Variants in KCNQ5 observed in about 807,000 individuals in gnomAD.
KCNQ5 encodes the protein potassium voltage-gated channel subfamily Q member 5, also known as potassium voltage-gated channel subfamily KQT member 5.
KCNQ5 carries 30 observed loss-of-function variants against 98.2 expected under a neutral mutation model. The observed-to-expected ratio is 0.31, with a 90% CI of 0.23 to 0.41. The LOEUF (loss-of-function observed/expected upper bound fraction) is 0.41. KCNQ5 is among the 10% of genes least tolerant of loss of function. The probability of loss-of-function intolerance (pLI) is 1.00; values close to 1 mark genes in which losing one functional copy is unlikely to be tolerated. For synonymous variants in KCNQ5, 458 were observed against 449.4 expected, an observed-to-expected ratio of 1.02 and a Z score of -0.24; for missense variants, 835 against 1,182.5, an observed-to-expected ratio of 0.71 and a Z score of 4.31.
In KCNQ5 at chr6:73,041,921, T is replaced by C. The variant is rs755706199; in HGVS notation, c.490-15T>C. Reference sequence around the variant, plus strand: ...CATAATGCTTCTCTCTGATATGTCTTATCTGATATTTTAGGAGTTCGTGAT... The same window carrying C: ...CATAATGCTTCTCTCTGATATGTCTCATCTGATATTTTAGGAGTTCGTGAT... On this transcript the variant is annotated splice_polypyrimidine_tract_variant and intron_variant, in intron 2 of 13. Transcript: ENST00000370398. 7 of 1,613,614 alleles carry C rather than the reference T, an allele frequency of 4.3e-6. No homozygotes were observed. In the South Asian group the frequency reaches 6.6e-5, roughly 15 times the overall value.
intron 1 of KCNQ5, among the ~76,000 whole-genome samples, chr6:72,901,430 T>C (rs1779502520): frequency 6.6e-6 from 1 of 152,154 alleles, no homozygotes; most frequent in Non-Finnish European, 1.5e-5. Context: ...CCGAAGCCAA[T>C]GTCTAGAAGG....
At chr6:72,792,991 G>A (rs993179901) in intron 1 of KCNQ5, among the ~76,000 whole-genome samples, 4 of 152,118 alleles carry the variant, frequency 2.6e-5, no homozygotes, top group African/African-American at 9.7e-5. Context: ...CCCACCTCCT[G>A]GGAGAGTTTT....
intron 1 of KCNQ5, among the ~76,000 whole-genome samples, chr6:72,844,570 G>C (rs895908732): frequency 7.2e-5 from 11 of 152,072 alleles, no homozygotes; most frequent in Non-Finnish European, 1.6e-4. Flanking sequence ...CTAAACTTTT[G>C]TAATGCATAC....
chr6:73,069,595 A>C (rs1165884948), intron 3 of KCNQ5, among the ~76,000 whole-genome samples: 1 of 152,156 alleles, frequency 6.6e-6, no homozygotes, highest in African/African-American at 2.4e-5. Flanking sequence ...GCAAGTAAAC[A>C]GACTACTAGT....
Position 72,622,381 on chromosome 6 carries a change from C to A in KCNQ5, c.192C>A (p.Arg64=), listed in dbSNP as rs539676999. Residue 64 remains arginine (R), a synonymous_variant, in exon 1 of 14, where the codon CGC becomes CGA. Coordinates refer to ENST00000370398, the MANE Select transcript of KCNQ5 (RefSeq NM_019842.4). The surrounding 1 kb of genome is among the most constrained non-coding windows in gnomAD (Gnocchi z 6.0). The stretch of plus-strand genomic sequence containing the variant: ...ACGGCCTGCTACTGCTGGGCACCCG[C>A]GCGGCCACGCTCGGTGGCGGCGGCG... ...RGDGLLLLGT[R]AATLGGGGGG... The A allele has an allele frequency of 5.4e-6, 8 of 1,468,172 alleles. No homozygotes were observed. In the African/African-American group the frequency reaches 1.2e-4, roughly 21 times the overall value. The allele number at this position is 1,468,172 out of a possible 1,614,324, so 90.9% of individuals were successfully genotyped here.
intron 1 of KCNQ5, among the ~76,000 whole-genome samples, chr6:72,910,079 A>AT (rs549762595): frequency 1.3e-4 from 20 of 152,086 alleles, no homozygotes; most frequent in African/African-American, 4.8e-4. Context: ...CAACTCAGTT[A>AT]TTTTTTTTAC....
At chr6:73,172,384 G>A (rs757510685) in intron 11 of KCNQ5, among the ~76,000 whole-genome samples, 1 of 148,242 alleles carries the variant, frequency 6.7e-6, no homozygotes, top group Non-Finnish European at 1.5e-5. Context: ...TAAAAATAAA[G>A]AGAATACAAT....
chr6:72,793,684 A>G (rs1488752818), intron 1 of KCNQ5, among the ~76,000 whole-genome samples: 1 of 152,268 alleles, frequency 6.6e-6, no homozygotes, highest in Non-Finnish European at 1.5e-5. Flanking sequence ...ATTCTGAAAT[A>G]TATCACTCCT....
At chr6:72,808,520 C>T (rs531173715) in intron 1 of KCNQ5, among the ~76,000 whole-genome samples, 4 of 152,280 alleles carry the variant, frequency 2.6e-5, no homozygotes, top group Non-Finnish European at 5.9e-5. Flanking sequence ...TCTTATGTTA[C>T]TCATCCTGAT....
At chr6:72,704,069 G>A (rs997958356) in intron 1 of KCNQ5, among the ~76,000 whole-genome samples, 1 of 152,200 alleles carries the variant, frequency 6.6e-6, no homozygotes, top group African/African-American at 2.4e-5. Flanking sequence ...TGCATTTAAC[G>A]TAGGTGTTAA....
At chr6:73,160,816 G>A (rs1371436783) in intron 10 of KCNQ5, among the ~76,000 whole-genome samples, 2 of 152,112 alleles carry the variant, frequency 1.3e-5, no homozygotes, top group Admixed American at 1.3e-4. Flanking sequence ...GAACTCCAAC[G>A]CCTGGGTCCT....
At chr6:72,663,381 A>G (rs981240625) in intron 1 of KCNQ5, among the ~76,000 whole-genome samples, 2 of 152,172 alleles carry the variant, frequency 1.3e-5, no homozygotes, top group Admixed American at 6.6e-5. Context: ...TTTGGTAATC[A>G]TATTTGGTAT....
At chr6:72,771,114 G>A (rs924133915) in intron 1 of KCNQ5, among the ~76,000 whole-genome samples, 8 of 152,080 alleles carry the variant, frequency 5.3e-5, no homozygotes, top group East Asian at 1.9e-4. Context: ...CTTCTGGAGC[G>A]TGAGTGGGGA....
intron 1 of KCNQ5, among the ~76,000 whole-genome samples, chr6:72,663,554 A>T (rs1766635050): frequency 1.3e-5 from 2 of 152,224 alleles, no homozygotes; most frequent in South Asian, 4.1e-4. Flanking sequence ...AGTAATATTC[A>T]GATTTTGGTT....
At chr6:72,802,553 A>T (rs184437638) in intron 1 of KCNQ5, among the ~76,000 whole-genome samples, 87 of 152,224 alleles carry the variant, frequency 5.7e-4, no homozygotes, top group African/African-American at 1.8e-3. Flanking sequence ...CCAACCTCAT[A>T]TCGTTACTTT....
chr6:73,084,348 T>A (rs1773896934), intron 5 of KCNQ5, among the ~76,000 whole-genome samples: 1 of 151,988 alleles, frequency 6.6e-6, no homozygotes. Flanking sequence ...GTAAAGGGAG[T>A]GTGTTATTTA....
rs1413123106 is a variant in KCNQ5 at position 73,157,500 on chromosome 6, G to C, written c.1469-12246G>C. On this transcript the variant is annotated intron_variant, in intron 10 of 13. Transcript: ENST00000370398. ...ACAGATTCCCAGAACCAACTCCCCG[G>C]TGACCAGACTGAAGAACTAACAGAA... 5 of 708,790 alleles carry C rather than the reference G, an allele frequency of 7.1e-6. No individual in the cohort carries two copies. The Admixed American group carries it at 1.0e-4, about 14-fold the overall frequency. 43.9% of individuals were successfully genotyped at this position (708,790 alleles called of 1,614,324 possible).
At chr6:73,020,883 A>G (rs1770571890) in intron 2 of KCNQ5, among the ~76,000 whole-genome samples, 1 of 152,006 alleles carries the variant, frequency 6.6e-6, no homozygotes, top group Non-Finnish European at 1.5e-5. Context: ...CTCTAGGCTA[A>G]TTGCTGCACC....
intron 1 of KCNQ5, among the ~76,000 whole-genome samples, chr6:72,913,130 A>G (rs1275925049): frequency 6.6e-6 from 1 of 152,196 alleles, no homozygotes; most frequent in Non-Finnish European, 1.5e-5. Flanking sequence ...TTTAATTTAG[A>G]TAAAAATAAT....
Sources: allele counts gnomAD v4.1 joint callset (sites outside exome capture counted in the v4.1 genomes callset), GRCh38; gene constraint gnomAD v4.1.1; non-coding constraint Gnocchi (gnomAD v3.1); transcripts MANE v1.5; gene names NCBI Gene and HGNC (gene_info 2026-07-23, HGNC 2026-07-21).